RIMS2: variants seen among roughly 807,000 people sequenced by gnomAD.
RIMS2 encodes regulating synaptic membrane exocytosis protein 2.
Under a neutral mutation model 174.4 loss-of-function variants are expected in RIMS2, and 59 were observed. The ratio of observed to expected loss-of-function variants is 0.34; its 90% CI spans 0.27 to 0.42. The LOEUF is 0.42. Among genes scored for constraint, RIMS2 ranks in the 10% least tolerant of loss-of-function variants. RIMS2 has a pLI of 1.00. For synonymous variants in RIMS2, 606 were observed against 572.5 expected, an observed-to-expected ratio of 1.06 and a Z score of -0.84; for missense variants, 1,620 against 1,666.3, an observed-to-expected ratio of 0.97 and a Z score of 0.48.
chr8:103,509,102 A>G (rs1440948749), intron 1 of RIMS2, among the ~76,000 whole-genome samples: 1 of 152,096 alleles, frequency 6.6e-6, no homozygotes, highest in Non-Finnish European at 1.5e-5. Context: ...AGAAGTGACT[A>G]TAACTTGGTA....
intron 19 of RIMS2, among the ~76,000 whole-genome samples, chr8:104,057,120 G>A (rs1422786440): frequency 1.4e-5 from 2 of 147,360 alleles, no homozygotes; most frequent in Non-Finnish European, 3.0e-5. Context: ...AGGCTGGAGT[G>A]CAGTGGTGCA....
At chr8:103,688,095 T>TA (rs1013458133) in intron 1 of RIMS2, among the ~76,000 whole-genome samples, 1 of 152,100 alleles carries the variant, frequency 6.6e-6, no homozygotes. Context: ...ATTTCTTTCT[T>TA]ATGCTTAATA....
At chr8:103,816,317 A>G (rs181111395) in intron 3 of RIMS2, among the ~76,000 whole-genome samples, 4 of 152,302 alleles carry the variant, frequency 2.6e-5, no homozygotes, top group African/African-American at 9.6e-5. Flanking sequence ...GCGGTTTCCT[A>G]TCCTGTCTAT....
intron 1 of RIMS2, among the ~76,000 whole-genome samples, chr8:103,515,017 T>G (rs1212469473): frequency 6.6e-6 from 1 of 152,176 alleles, no homozygotes; most frequent in Non-Finnish European, 1.5e-5. Flanking sequence ...ATTTTGAAAA[T>G]TCATCCTCTT....
At chr8:103,900,517 C>G (rs966142017) in intron 4 of RIMS2, among the ~76,000 whole-genome samples, 15 of 152,102 alleles carry the variant, frequency 9.9e-5, no homozygotes, top group African/African-American at 3.4e-4. Flanking sequence ...TATATGGAGA[C>G]TGCTATAAAT....
At chr8:103,757,305 G>A (rs2098033942) in intron 2 of RIMS2, among the ~76,000 whole-genome samples, 1 of 151,830 alleles carries the variant, frequency 6.6e-6, no homozygotes, top group African/African-American at 2.4e-5. Context: ...AATGCTGAAT[G>A]GTTTTTCTGT....
intron 3 of RIMS2, among the ~76,000 whole-genome samples, chr8:103,769,426 C>T (rs2098222272): frequency 6.6e-6 from 1 of 152,118 alleles, no homozygotes; most frequent in Non-Finnish European, 1.5e-5. Flanking sequence ...CGAGTTCAAG[C>T]GATTCTCCTG....
At chr8:103,905,775 C>CTTTTTTTTTTTTTTTTTTT (rs60157494) in intron 4 of RIMS2, among the ~76,000 whole-genome samples, 1 of 122,058 alleles carries the variant, frequency 8.2e-6, no homozygotes. Flanking sequence ...ATTTTCTTTT[C>CTTTTTTTTTTTTTTTTTTT]TTTTTTTTTT....
chr8:103,550,201 T>C (rs1847090402), intron 1 of RIMS2, among the ~76,000 whole-genome samples: 1 of 152,184 alleles, frequency 6.6e-6, no homozygotes, highest in South Asian at 2.1e-4. Context: ...ACCACATAGT[T>C]GGGAGTAAAG....
chr8:103,858,492 G>A (rs1322150461), intron 3 of RIMS2, among the ~76,000 whole-genome samples: 1 of 151,752 alleles, frequency 6.6e-6, no homozygotes, highest in African/African-American at 2.4e-5. Flanking sequence ...AAAGAGATTG[G>A]CCGAGCTCAT....
At chr8:103,615,477 G>A (rs1477706971) in intron 1 of RIMS2, among the ~76,000 whole-genome samples, 2 of 152,008 alleles carry the variant, frequency 1.3e-5, no homozygotes, top group Non-Finnish European at 2.9e-5. Flanking sequence ...AATTAGAGAA[G>A]CAAGAACAAA....
intron 1 of RIMS2, among the ~76,000 whole-genome samples, chr8:103,617,423 G>T (rs1564032817): frequency 6.6e-6 from 1 of 152,106 alleles, no homozygotes; most frequent in South Asian, 2.1e-4. Context: ...AGAAAACCTA[G>T]GCAATACCAT....
At chr8:104,116,773 TAGATA>T (rs953474853) in intron 19 of RIMS2, among the ~76,000 whole-genome samples, 5 of 152,110 alleles carry the variant, frequency 3.3e-5, no homozygotes, top group African/African-American at 9.7e-5. Flanking sequence ...TTTGGAAAGG[TAGATA>T]AGATGTCTTT....
chr8:103,810,918 A>G (rs964979198), intron 3 of RIMS2, among the ~76,000 whole-genome samples: 4 of 152,192 alleles, frequency 2.6e-5, no homozygotes, highest in Non-Finnish European at 4.4e-5. Context: ...ATTTTGCTGA[A>G]ACACATTTAT....
At chr8:103,648,843 G>A (rs1160440593) in intron 1 of RIMS2, among the ~76,000 whole-genome samples, 2 of 152,186 alleles carry the variant, frequency 1.3e-5, no homozygotes, top group Non-Finnish European at 2.9e-5. Flanking sequence ...CTTTGCATGT[G>A]AGATGGGTCT....
intron 1 of RIMS2, among the ~76,000 whole-genome samples, chr8:103,579,554 G>A (rs2093476655): frequency 6.6e-6 from 1 of 152,140 alleles, no homozygotes; most frequent in South Asian, 2.1e-4. Context: ...AAGTAAAAAT[G>A]GGAGGGAATG....
At chr8:103,584,989 A>T (rs1476128049) in intron 1 of RIMS2, among the ~76,000 whole-genome samples, 1 of 152,222 alleles carries the variant, frequency 6.6e-6, no homozygotes, top group Admixed American at 6.5e-5. Context: ...TAAAAGAAAC[A>T]CACTTTACTT....
intron 9 of RIMS2, 45 bp from the exon 13 acceptor site, chr8:103,921,627 T>C (rs757523891): frequency 2.5e-6 from 2 of 812,042 alleles, no homozygotes; most frequent in Middle Eastern, 2.2e-4. Context: ...TAAATACTTG[T>C]GAAGAGCCAT....
chr8:103,899,730 C>T (rs1406424510), intron 4 of RIMS2, among the ~76,000 whole-genome samples: 2 of 151,648 alleles, frequency 1.3e-5, no homozygotes, highest in Non-Finnish European at 2.9e-5. Flanking sequence ...TTAATTAGAT[C>T]CTATTTGTCA....
Sources: allele counts gnomAD v4.1 joint callset (sites outside exome capture counted in the v4.1 genomes callset), GRCh38; gene constraint gnomAD v4.1.1; transcripts MANE v1.5; gene names NCBI Gene and HGNC (gene_info 2026-07-23, HGNC 2026-07-21).